The following MGMT variants were observed in gnomAD, a reference collection of about 807,000 sequenced individuals.
The protein encoded by MGMT is methylated-DNA--protein-cysteine methyltransferase.
Under a neutral mutation model 15.9 loss-of-function variants are expected in MGMT, and 14 were observed. That is an observed-to-expected ratio of 0.88 (90% CI 0.58 to 1.37). MGMT has a LOEUF of 1.37. Ranked by LOEUF, MGMT falls within the 40% of genes most tolerant of loss-of-function variation. MGMT has a pLI of 0.00. For synonymous variants in MGMT, 130 were observed against 118.2 expected, an observed-to-expected ratio of 1.10 and a Z score of -0.65; for missense variants, 282 against 268.1, an observed-to-expected ratio of 1.05 and a Z score of -0.36.
At chr10:129,743,547 C>T (rs557992751) in intron 3 of MGMT, among the ~76,000 whole-genome samples, 17 of 152,256 alleles carry the variant, frequency 1.1e-4, no homozygotes, top group African/African-American at 3.6e-4. Flanking sequence ...GCCCATTGTC[C>T]GCACACTCAT....
intron 1 of MGMT, among the ~76,000 whole-genome samples, chr10:129,517,997 G>C (rs529612081): frequency 2.0e-4 from 30 of 152,166 alleles, no homozygotes; most frequent in Admixed American, 5.9e-4. Context: ...GCCTTATTTG[G>C]AGATATTTCG....
chr10:129,546,568 A>G (rs571191411), intron 2 of MGMT, among the ~76,000 whole-genome samples: 32 of 152,326 alleles, frequency 2.1e-4, no homozygotes, highest in South Asian at 1.0e-3. Flanking sequence ...CAGTTTAACA[A>G]GTGGGTGGCC....
At chr10:129,543,181 G>A (rs1447274041) in intron 2 of MGMT, among the ~76,000 whole-genome samples, 1 of 152,190 alleles carries the variant, frequency 6.6e-6, no homozygotes, top group African/African-American at 2.4e-5. Flanking sequence ...AGGTGTTAGC[G>A]TAGCCCGTGA....
chr10:129,737,092 C>T (rs981945140), intron 3 of MGMT, among the ~76,000 whole-genome samples: 2 of 151,728 alleles, frequency 1.3e-5, no homozygotes, highest in Non-Finnish European at 2.9e-5. Flanking sequence ...TTTCCTGAAT[C>T]TGAATGTTGG....
chr10:129,580,032 G>A (rs993096981), intron 2 of MGMT, among the ~76,000 whole-genome samples: 1 of 152,164 alleles, frequency 6.6e-6, no homozygotes, highest in Non-Finnish European at 1.5e-5. Flanking sequence ...TCACAAACTT[G>A]GTATTTATTA....
chr10:129,652,719 G>A (rs1847475743), intron 2 of MGMT, among the ~76,000 whole-genome samples: 1 of 152,146 alleles, frequency 6.6e-6, no homozygotes, highest in African/African-American at 2.4e-5. Context: ...AGAGTCAGCT[G>A]GTGCCAGATG....
intron 2 of MGMT, chr10:129,693,873 A>G (rs1847998968): frequency 6.6e-6 from 1 of 151,994 alleles, no homozygotes; most frequent in Admixed American, 6.6e-5. Flanking sequence ...GCTGCACTGC[A>G]GCGTGGGCGA....
intron 3 of MGMT, among the ~76,000 whole-genome samples, chr10:129,709,250 G>A (rs1272351899): frequency 6.6e-6 from 1 of 152,150 alleles, no homozygotes; most frequent in Non-Finnish European, 1.5e-5. Context: ...CTGCTGCCAG[G>A]ACAAAGGCAC....
chr10:129,505,797 A>G lies in MGMT; in HGVS notation c.-12-30444A>G, dbSNP rs989901422. 3.9e-5 allele frequency among the ~76,000 whole-genome samples: 6 copies of G among 152,230 alleles called. 1 individual carries two copies. In the South Asian group the frequency reaches 6.2e-4, roughly 16 times the overall value. ...TTCTTGCTCATGGTGTCTTATTTCC[A>G]TGTTTTCCTGTTTCTTTGATTATAC... On this transcript the variant is annotated intron_variant, in intron 1 of 4. Transcript: ENST00000651593.
At chr10:129,698,365 C>T (rs4751110) in intron 2 of MGMT, among the ~76,000 whole-genome samples, 85,757 of 151,930 alleles carry the variant, frequency 0.56, 25,479 homozygotes, top group South Asian at 0.67. Flanking sequence ...TTCTCTAGGG[C>T]TGGGGAAGAG....
chr10:129,625,037 A>G (rs1030321297), intron 2 of MGMT, among the ~76,000 whole-genome samples: 3 of 152,240 alleles, frequency 2.0e-5, no homozygotes, highest in African/African-American at 7.2e-5. Flanking sequence ...CCTGATGAAG[A>G]AAAATGAAAT....
chr10:129,643,947 C>T (rs768808197), intron 2 of MGMT, among the ~76,000 whole-genome samples: 20 of 152,022 alleles, frequency 1.3e-4, no homozygotes, highest in Non-Finnish European at 2.5e-4. Flanking sequence ...TTCTTTCCAT[C>T]GGCATTTTAA....
At position 129,697,531 on chromosome 10, in the gene MGMT, A is replaced by G. The variant is rs143300202; in HGVS notation, c.126-10364A>G. 5.2e-3 allele frequency among the ~76,000 whole-genome samples: 799 copies of G among 152,284 alleles called. 7 individuals are homozygous for G. The highest frequency in any genetic ancestry group is 0.018 in the African/African-American group (745 of 41,566). ...AATAGAGATAATGGTACCTCCCCCA[A>G]GGGTCTTTGGGAGGAATAAATAGAA... On this transcript the variant is annotated intron_variant, in intron 2 of 4. Coordinates refer to ENST00000651593, the MANE Select transcript of MGMT (RefSeq NM_002412.5).
chr10:129,651,094 A>G (rs961868384), intron 2 of MGMT, among the ~76,000 whole-genome samples: 4 of 152,126 alleles, frequency 2.6e-5, no homozygotes, highest in African/African-American at 9.7e-5. Flanking sequence ...TTGCTCCCAC[A>G]TGCTGTCTGA....
At chr10:129,612,331 C>G (rs1038187449) in intron 2 of MGMT, among the ~76,000 whole-genome samples, 1 of 152,050 alleles carries the variant, frequency 6.6e-6, no homozygotes, top group African/African-American at 2.4e-5. Flanking sequence ...ATGTTAGTGC[C>G]GGAGAGGTAT....
At chr10:129,655,858 GCA>G (rs1179288088) in intron 2 of MGMT, among the ~76,000 whole-genome samples, 4 of 152,158 alleles carry the variant, frequency 2.6e-5, no homozygotes, top group Admixed American at 2.0e-4. Flanking sequence ...TGGAGGAAAC[GCA>G]CAGTGTCCAT....
chr10:129,678,346 C>T (rs1007405658), intron 2 of MGMT, among the ~76,000 whole-genome samples: 3 of 152,030 alleles, frequency 2.0e-5, no homozygotes, highest in Non-Finnish European at 2.9e-5. Context: ...TTCCAGGCCC[C>T]GCTGCCCTGG....
intron 2 of MGMT, among the ~76,000 whole-genome samples, chr10:129,617,763 CT>C (rs200716835): frequency 1.3e-5 from 2 of 151,152 alleles, no homozygotes; most frequent in African/African-American, 4.9e-5. Context: ...CCTTTGCCCA[CT>C]TTTTTTTTAC....
chr10:129,477,509 A>C (rs537478708), intron 1 of MGMT, among the ~76,000 whole-genome samples: 1 of 152,340 alleles, frequency 6.6e-6, no homozygotes, highest in Admixed American at 6.5e-5. Flanking sequence ...TAACTGAGTC[A>C]TAAGAGTGGG....
Sources: allele counts gnomAD v4.1 joint callset (sites outside exome capture counted in the v4.1 genomes callset), GRCh38; gene constraint gnomAD v4.1.1; transcripts MANE v1.5; gene names NCBI Gene and HGNC (gene_info 2026-07-23, HGNC 2026-07-21).